Variants in TTN observed in about 807,000 individuals in gnomAD.
The protein encoded by TTN is connectin.
Under a neutral mutation model 3,223.0 loss-of-function variants are expected in TTN, and 1,525 were observed. The ratio of observed to expected loss-of-function variants is 0.47; its 90% CI spans 0.45 to 0.49. The LOEUF is 0.49. TTN is among the 20% of genes least tolerant of loss of function. The probability of loss-of-function intolerance (pLI) is 0.00; values close to 1 mark genes in which losing one functional copy is unlikely to be tolerated. For missense variants in TTN, 40,786 were observed against 43,424.0 expected (o/e 0.94, Z 5.40); for synonymous variants, 14,094 against 15,161.0 (o/e 0.93, Z 5.17).
At chr2:178,670,092 G>T in intron 157 of TTN, 126 bp downstream of exon 157, 1 of 577,844 alleles carries the variant, frequency 1.7e-6, no homozygotes, top group Non-Finnish European at 2.8e-6. Context: ...TTATGTTATA[G>T]AACATAAATT....
chr2:178,742,494 A>G (rs566980962), intron 47 of TTN, among the ~76,000 whole-genome samples: 3 of 152,292 alleles, frequency 2.0e-5, no homozygotes, highest in South Asian at 2.1e-4. Context: ...GCCTTCTTTC[A>G]TCTATGTAAA....
chr2:178,715,400 T>A, intron 89 of TTN, 93 bp downstream of exon 89: 1 of 1,523,260 alleles, frequency 6.6e-7, no homozygotes, highest in Non-Finnish European at 8.8e-7. Context: ...CTTTCCCTAT[T>A]TTAAAACATC....
intron 356 of TTN, 142 bp downstream of exon 356, chr2:178,536,796 A>G (rs1320806608): frequency 1.2e-5 from 10 of 868,520 alleles, no homozygotes; most frequent in African/African-American, 1.7e-5. Flanking sequence ...ATATGCAAAC[A>G]TTCAATTAAA....
At chr2:178,747,975 A>C in intron 47 of TTN, 1 of 1,613,060 alleles carries the variant, frequency 6.2e-7, no homozygotes, top group Non-Finnish European at 8.5e-7. Flanking sequence ...TGGTCTTCCA[A>C]AGTGGCATCT....
rs2078183890 is a variant in TTN at position 178,720,527 on chromosome 2, G to A, written c.23235C>T (p.Ser7745=). 3 of 1,613,396 alleles carry A rather than the reference G, an allele frequency of 1.9e-6. No individual in the cohort carries two copies. In the African/African-American group the frequency reaches 4.0e-5, roughly 22 times the overall value. ...WVKDRKQVRN[S]KKFKITSKHF... ...GTTTTGAAGTGATTTTAAATTTCTTGCTGTTTCTAACCTGCTTTCGATCTT... is the reference window on the plus strand; with the variant it reads ...GTTTTGAAGTGATTTTAAATTTCTTACTGTTTCTAACCTGCTTTCGATCTT... Residue 7745 remains serine, a synonymous_variant, in exon 80 of 363, where the codon AGC becomes AGT. Coordinates refer to ENST00000589042, the MANE Select transcript of TTN (RefSeq NM_001267550.2).
intron 47 of TTN, 67 bp from the exon 48 acceptor site, chr2:178,741,988 G>T (rs1392016778): frequency 5.1e-6 from 6 of 1,177,786 alleles, no homozygotes; most frequent in African/African-American, 1.6e-5. Context: ...AGAAATCAAA[G>T]AATTAGACAC....
Position 178,621,553 on chromosome 2 carries a change from T to A in TTN, c.45271A>T (p.Asn15091Tyr), listed in dbSNP as rs776532148. Reference protein sequence around the residue: ...EGRKRILVIQNAHLEDAGNYN... With the variant: ...EGRKRILVIQYAHLEDAGNYN... ...TTGCCAGCATCCTCAAGGTGAGCGT[T>A]CTGAATGACCAGGATTCTCTTCCGT... The change falls in exon 245 of 363, where the codon AAC becomes TAC. Residue 15091 changes from asparagine to tyrosine, a missense_variant. Coordinates refer to ENST00000589042, the MANE Select transcript of TTN (RefSeq NM_001267550.2). 17 of 1,612,534 alleles carry A rather than the reference T, an allele frequency of 1.1e-5. No homozygotes were observed. The South Asian group carries it at 1.9e-4, about 18-fold the overall frequency.
Position 178,802,124 on chromosome 2 carries a change from C to A in TTN, c.295+14G>T. Reference sequence around the variant, plus strand: ...CTGGGGGAGCAGAGGATTGGCAGGTCCCCAGCAGCCTACCTTTCACGAGAA... The same window carrying A: ...CTGGGGGAGCAGAGGATTGGCAGGTACCCAGCAGCCTACCTTTCACGAGAA... On this transcript the variant is annotated intron_variant, in intron 3 of 362. Transcript: ENST00000589042. 6.2e-7 allele frequency: 1 copy of A among 1,613,864 alleles called. No homozygotes were observed. The highest frequency in any genetic ancestry group is 1.1e-5 in the South Asian group (1 of 91,038).
Position 178,605,614 on chromosome 2 carries a change from A to G in TTN, c.53681T>C (p.Ile17894Thr). 6.2e-7 allele frequency: 1 copy of G among 1,611,806 alleles called. No individual in the cohort carries two copies. Among genetic ancestry groups the G allele is most frequent in the East Asian group, 2.2e-5 (1 of 44,680 alleles). Residue 17894 changes from isoleucine (I) to threonine (T), a missense_variant, in exon 279 of 363, where the codon ATC (isoleucine) becomes ACC (threonine). Transcript: ENST00000589042. ...KEPRSNGGSP[I>T]QGYIIEKRRH... ...CCGTTTTTCAATGATATATCCTTGG[A>G]TGGGACTGCCACCATTACTGCGGGG... is the stretch of plus-strand genomic sequence containing the variant.
intron 242 of TTN, 63 bp downstream of exon 242, chr2:178,624,401 TG>T: frequency 6.3e-7 from 1 of 1,597,976 alleles, no homozygotes. Flanking sequence ...AGTGTTGTGT[TG>T]TTTTGTTGTT....
At position 178,564,009 on chromosome 2, in the gene TTN, C is replaced by G; in HGVS notation, c.82123G>C (p.Gly27375Arg). 1 of 1,613,678 alleles carries G rather than the reference C, an allele frequency of 6.2e-7. No individual in the cohort carries two copies. The highest frequency in any genetic ancestry group is 8.5e-7 in the Non-Finnish European group (1 of 1,179,718). Residue 27375 changes from glycine to arginine, a missense_variant, in exon 326 of 363, where the codon GGG (glycine) becomes CGG (arginine). By Grantham distance (125) the Gly-to-Arg change is moderately radical. Coordinates refer to ENST00000589042, the MANE Select transcript of TTN (RefSeq NM_001267550.2). ...GTAACTCCAGTAACTTTCAGAGGCC[C>G]TTCAGGAGGCCCTGGCCTGTCAAGT... ...KVLDRPGPPE[G>R]PLKVTGVTAE...
In TTN at chr2:178,574,442, T is replaced by G. The variant is rs1457146309; in HGVS notation, c.71690A>C (p.Tyr23897Ser). 1.2e-6 allele frequency: 2 copies of G among 1,613,606 alleles called. No homozygotes were observed. The highest frequency in any genetic ancestry group is 3.3e-5 in the Admixed American group (2 of 60,010). ...KSSGLTDGIA[Y>S]EFRVIAENMA... is the part of the protein sequence containing the mutation. ...GTTTTCTGCAATCACCCGGAACTCA[T>G]AAGCAATACCATCTGTAAGTCCACT... The change falls in exon 326 of 363, where the codon TAT (tyrosine) becomes TCT (serine). Residue 23897 changes from tyrosine (Y) to serine (S), a missense_variant. By Grantham distance (144) the Tyr-to-Ser change is moderately radical (BLOSUM62 -2). Transcript: ENST00000589042.
intron 71 of TTN, 184 bp from the exon 72 acceptor site, chr2:178,724,722 A>AT (rs1424520536): frequency 8.6e-6 from 5 of 583,020 alleles, no homozygotes; most frequent in Non-Finnish European, 5.1e-6. Flanking sequence ...TTATTTTAAT[A>AT]TTTTTTCTTT....
In TTN at chr2:178,663,307, G is replaced by A. The variant is rs1439753239; in HGVS notation, c.36659C>T (p.Pro12220Leu). Residue 12220 changes from proline (P) to leucine (L), a missense_variant, in exon 173 of 363, where the codon CCT (proline) becomes CTT (leucine). Physicochemically the swap from Pro to Leu is moderately conservative, Grantham distance 98. Coordinates refer to ENST00000589042, the MANE Select transcript of TTN (RefSeq NM_001267550.2). ...TTCCGGTTTGGGAGGAATAGCTTCAGGCAACTTCTTTTCTGGGACAGCTGC... is the reference window on the plus strand; with the variant it reads ...TTCCGGTTTGGGAGGAATAGCTTCAAGCAACTTCTTTTCTGGGACAGCTGC... ...PKAAVPEKKL[P>L]EAIPPKPESP... is the part of the protein sequence containing the mutation. 6.4e-7 allele frequency: 1 copy of A among 1,566,068 alleles called. No individual in the cohort carries two copies.
rs2154137288 is a variant in TTN, at chr2:178,536,214, G to A, written c.100533C>T (p.Ser33511=). 1 of 1,613,228 alleles carries A rather than the reference G, an allele frequency of 6.2e-7. No homozygotes were observed. The highest frequency in any genetic ancestry group is 2.2e-5 in the East Asian group (1 of 44,844). ...TCACTTTGCAGACCAAGGTAGCATT[G>A]CTCTGATATCTGACATTTAGATTTC... is the stretch of plus-strand genomic sequence containing the variant. The part of the protein sequence containing the change: ...ELRNLNVRYQ[S]NATLVCKVTG... The change falls in exon 357 of 363, where the codon AGC becomes AGT. Residue 33511 remains serine (S), a synonymous_variant. Transcript: ENST00000589042.
At position 178,731,323 on chromosome 2, in the gene TTN, C is replaced by T. The variant is rs987166734; in HGVS notation, c.17443G>A (p.Ala5815Thr). The T allele has an allele frequency of 6.2e-7, 1 of 1,613,726 alleles. No individual in the cohort carries two copies. The highest frequency in any genetic ancestry group is 8.5e-7 in the Non-Finnish European group (1 of 1,179,734). The change falls in exon 59 of 363, where the codon GCA (alanine) becomes ACA (threonine). Residue 5815 changes from alanine to threonine, a missense_variant. Transcript: ENST00000589042. ...AACCAACCTTTTACTGAGAGTAATG[C>T]AGAACATCTTTGTATTCCTGCATCA... is the stretch of plus-strand genomic sequence containing the variant. Reference protein sequence around the residue: ...KNDAGIQRCSALLSVKEPATI... With the variant: ...KNDAGIQRCSTLLSVKEPATI...
rs753947699 is a variant in TTN, at chr2:178,721,969, C to A, written c.22694G>T (p.Cys7565Phe). The change falls in exon 78 of 363, where the codon TGT (cysteine) becomes TTT (phenylalanine). Residue 7565 changes from cysteine to phenylalanine, a missense_variant. Cys to Phe is a radical substitution (Grantham distance 205, BLOSUM62 -2). Coordinates refer to ENST00000589042, the MANE Select transcript of TTN (RefSeq NM_001267550.2). The part of the protein sequence containing the change: ...IRPGGNYTIT[C>F]VGNTPHLRIL... ...TCTCAAATGAGGAGTGTTTCCCACA[C>A]ATGTGATTGTATAGTTTCCTCCAGG... is the stretch of plus-strand genomic sequence containing the variant. 1 of 1,613,608 alleles carries A rather than the reference C, an allele frequency of 6.2e-7. No individual in the cohort carries two copies.
In TTN at chr2:178,576,307, A is replaced by G. The variant is rs753970015; in HGVS notation, c.69825T>C (p.Tyr23275=). The change falls in exon 326 of 363, where the codon TAT becomes TAC. Residue 23275 remains tyrosine (Y), a synonymous_variant. Coordinates refer to ENST00000589042, the MANE Select transcript of TTN (RefSeq NM_001267550.2). This position sits in a 1 kb window ranked among gnomAD's most constrained non-coding sequence, Gnocchi z 4.3. ...CTCCTACTTTTTGATGCTCCACGACATAGCCAGTGATTTCAAGTCCACCAT... is the reference window on the plus strand; with the variant it reads ...CTCCTACTTTTTGATGCTCCACGACGTAGCCAGTGATTTCAAGTCCACCAT... ...HYDGGLEITG[Y]VVEHQKVGDE... 3.2e-6 allele frequency: 5 copies of G among 1,577,380 alleles called. No homozygotes were observed. In the South Asian group the frequency reaches 4.8e-5, roughly 15 times the overall value.
chr2:178,673,212 AG>A, intron 152 of TTN, among the ~76,000 whole-genome samples: 1 of 151,952 alleles, frequency 6.6e-6, no homozygotes, highest in African/African-American at 2.4e-5. Flanking sequence ...ACATTACAAA[AG>A]GGACGTGAGG....
Sources: gnomAD v4.1 joint callset for allele counts (sites outside exome capture counted in the v4.1 genomes callset) on GRCh38, gnomAD v4.1.1 for gene constraint, Gnocchi (gnomAD v3.1) non-coding constraint, MANE v1.5 for transcripts, NCBI Gene and HGNC (gene_info 2026-07-23, HGNC 2026-07-21) for gene names.